The following DEFB116 variants were observed in gnomAD, a reference collection of about 807,000 sequenced individuals.
DEFB116 encodes defensin beta 116, also known as beta-defensin 116.
Under a neutral mutation model 2.8 loss-of-function variants are expected in DEFB116, and 5 were observed. The observed-to-expected ratio is 1.80, with a 90% confidence interval of 0.94 to 3.79. The LOEUF (loss-of-function observed/expected upper bound fraction) is 3.79, where lower values mean the gene tolerates loss of function less well. Ranked by LOEUF, DEFB116 falls within the 30% of genes most tolerant of loss-of-function variation. The pLI, the probability that DEFB116 is intolerant of heterozygous loss-of-function variation, is 0.00. For missense variants in DEFB116, 170 were observed against 118.0 expected (o/e 1.44, Z -2.04); for synonymous variants, 56 against 40.8 (o/e 1.37, Z -1.42).
intron 1 of DEFB116, among the ~76,000 whole-genome samples, chr20:31,304,364 A>T (rs898124278): frequency 2.0e-5 from 3 of 152,096 alleles, no homozygotes; most frequent in Admixed American, 6.6e-5. Flanking sequence ...AATATTAACA[A>T]TCACTACCAT....
intron 1 of DEFB116, among the ~76,000 whole-genome samples, chr20:31,305,566 GC>G (rs1377804072): frequency 6.6e-6 from 1 of 151,970 alleles, no homozygotes; most frequent in African/African-American, 2.4e-5. Flanking sequence ...GCCCTGCATT[GC>G]CCCAAATTTT....
At chr20:31,304,233 T>C in intron 1 of DEFB116, among the ~76,000 whole-genome samples, 1 of 152,122 alleles carries the variant, frequency 6.6e-6, no homozygotes. Context: ...CATAAGCTCT[T>C]TGCCTGAAAA....
intron 1 of DEFB116, among the ~76,000 whole-genome samples, chr20:31,304,496 A>T (rs553879260): frequency 6.6e-6 from 1 of 152,072 alleles, no homozygotes; most frequent in Non-Finnish European, 1.5e-5. Context: ...GCTCAAAGAG[A>T]TGCTTTGTTT....
chr20:31,307,669 GAGA>G (rs1985022711), intron 1 of DEFB116, among the ~76,000 whole-genome samples: 1 of 152,044 alleles, frequency 6.6e-6, no homozygotes, highest in African/African-American at 2.4e-5. Context: ...TCATATATCT[GAGA>G]AGGAGTCAAT....
At chr20:31,307,496 C>T (rs763457650) in intron 1 of DEFB116, among the ~76,000 whole-genome samples, 5 of 152,100 alleles carry the variant, frequency 3.3e-5, no homozygotes, top group African/African-American at 7.2e-5. Context: ...AGCTTCTTGA[C>T]GTTGGCCTTG....
intron 1 of DEFB116, among the ~76,000 whole-genome samples, chr20:31,304,124 A>G (rs1984942330): frequency 6.6e-6 from 1 of 152,098 alleles, no homozygotes; most frequent in Non-Finnish European, 1.5e-5. Flanking sequence ...AATTGAGCAC[A>G]TGTGCTCACT....
At chr20:31,304,574 C>G (rs1312554706) in intron 1 of DEFB116, among the ~76,000 whole-genome samples, 1 of 152,058 alleles carries the variant, frequency 6.6e-6, no homozygotes, top group Non-Finnish European at 1.5e-5. Context: ...TGACATCAAG[C>G]CTATGCTCTT....
chr20:31,307,985 C>A (rs1985032578), intron 1 of DEFB116, among the ~76,000 whole-genome samples: 1 of 152,096 alleles, frequency 6.6e-6, no homozygotes, highest in African/African-American at 2.4e-5. Flanking sequence ...CCCCAACTCC[C>A]AGTTGCACCA....
intron 1 of DEFB116, among the ~76,000 whole-genome samples, chr20:31,308,070 C>A (rs772445728): frequency 6.6e-6 from 1 of 151,982 alleles, no homozygotes; most frequent in Non-Finnish European, 1.5e-5. Flanking sequence ...TTCAGCCCAA[C>A]CTATAAATAC....
At chr20:31,304,879 G>A (rs139535691) in intron 1 of DEFB116, among the ~76,000 whole-genome samples, 75 of 152,098 alleles carry the variant, frequency 4.9e-4, no homozygotes, top group African/African-American at 1.7e-3. Context: ...GTTATTTCTT[G>A]CATGGAAAAA....
intron 1 of DEFB116, 36 bp downstream of exon 1, chr20:31,308,483 C>G (rs767282930): frequency 4.3e-6 from 7 of 1,609,784 alleles, no homozygotes; most frequent in Non-Finnish European, 5.1e-6. Flanking sequence ...GTACCACATG[C>G]AAGACGCCAG....
rs527515518 is a variant in DEFB116 at position 31,307,355 on chromosome 20, G to C, written c.67+1164C>G. ...TTCAATAAATGTATTGGGAAAACTA[G>C]GTATCTAGATGCAAAATAATAAAAT... On this transcript the variant is annotated intron_variant, in intron 1 of 1. Transcript: ENST00000400549. 1.0e-3 allele frequency among the ~76,000 whole-genome samples: 154 copies of C among 152,056 alleles called. 1 individual carries two copies. The highest frequency in any genetic ancestry group is 1.8e-3 in the Non-Finnish European group (122 of 67,982).
intron 1 of DEFB116, among the ~76,000 whole-genome samples, chr20:31,305,698 C>T (rs6061162): frequency 0.94 from 142,968 of 151,906 alleles, 67,382 homozygotes; most frequent in East Asian, 1. Flanking sequence ...ATATTTTAAC[C>T]CTCTGGACCC....
In DEFB116 at chr20:31,308,575, A is replaced by G. The variant is rs763499188; in HGVS notation, c.11T>C (p.Met4Thr). ...GGCAATGGTCATTAAACAGGGCTTCATGACTGACATGTTCCACCAGAATGA... is the reference window on the plus strand; with the variant it reads ...GGCAATGGTCATTAAACAGGGCTTCGTGACTGACATGTTCCACCAGAATGA... MSV[M>T]KPCLMTIAIL... is the part of the protein sequence containing the mutation. The change falls in exon 1 of 2, where the codon ATG becomes ACG. Residue 4 changes from methionine (M) to threonine (T), a missense_variant. Met to Thr is a moderately conservative substitution (Grantham distance 81). Transcript: ENST00000400549. 1 of 1,613,500 alleles carries G rather than the reference A, an allele frequency of 6.2e-7. No individual in the cohort carries two copies. Among genetic ancestry groups the G allele is most frequent in the African/African-American group, 1.3e-5 (1 of 75,004 alleles).
intron 1 of DEFB116, among the ~76,000 whole-genome samples, chr20:31,308,278 T>G (rs909510662): frequency 1.3e-5 from 2 of 152,092 alleles, no homozygotes; most frequent in Non-Finnish European, 2.9e-5. Context: ...ACCTAAAATG[T>G]TCCATGCTTA....
intron 1 of DEFB116, among the ~76,000 whole-genome samples, chr20:31,306,428 C>T (rs1487589514): frequency 6.6e-6 from 1 of 152,074 alleles, no homozygotes; most frequent in African/African-American, 2.4e-5. Context: ...ATAAATTCTG[C>T]CAAGTAAAAG....
chr20:31,307,928 T>C (rs889231471), intron 1 of DEFB116, among the ~76,000 whole-genome samples: 4 of 151,794 alleles, frequency 2.6e-5, no homozygotes, highest in African/African-American at 9.7e-5. Context: ...CCCAACCCCA[T>C]TCACAGCATC....
rs189038097 is a variant in DEFB116, at chr20:31,303,585, C to A, written c.68-132G>T. 2.3e-5 allele frequency: 30 copies of A among 1,295,358 alleles called. No individual in the cohort carries two copies. In the African/African-American group the frequency reaches 4.3e-4, roughly 19 times the overall value. The allele number at this position is 1,295,358 out of a possible 1,614,324, so 80.2% of individuals were successfully genotyped here. A position where few individuals can be genotyped will look rare whatever the true frequency, so the allele number is the denominator to read the frequency against. On this transcript the variant is annotated intron_variant, in intron 1 of 1. Transcript: ENST00000400549. ...GAATCAAAACTACCTAGATTCAAAT[C>A]TGGGCTCTGCCATTTACCATCTCTC...
intron 1 of DEFB116, among the ~76,000 whole-genome samples, 163 bp downstream of exon 1, chr20:31,308,356 C>T (rs1162795046): frequency 1.3e-5 from 2 of 152,138 alleles, no homozygotes; most frequent in African/African-American, 4.8e-5. Flanking sequence ...CAGGGGAGAT[C>T]TTTACATGAA....
Sources: allele counts gnomAD v4.1 joint callset (sites outside exome capture counted in the v4.1 genomes callset), GRCh38; gene constraint gnomAD v4.1.1; transcripts MANE v1.5; gene names NCBI Gene and HGNC (gene_info 2026-07-23, HGNC 2026-07-21).